BMP6: variants seen among roughly 807,000 people sequenced by gnomAD.
BMP6 encodes the protein bone morphogenetic protein 6.
In BMP6, 17 loss-of-function variants were observed where a neutral mutation model predicts 54.1. That is an observed-to-expected ratio of 0.31 (90% CI 0.22 to 0.47). The LOEUF (loss-of-function observed/expected upper bound fraction) is 0.47. BMP6 is among the 20% of genes least tolerant of loss of function. BMP6 has a pLI of 1.00. For synonymous variants in BMP6, 328 were observed against 291.2 expected (o/e 1.13, Z -1.28); for missense variants, 720 against 690.4 (o/e 1.04, Z -0.48).
intron 4 of BMP6, among the ~76,000 whole-genome samples, chr6:7,869,205 C>T (rs1759480419): frequency 6.6e-6 from 1 of 152,230 alleles, no homozygotes; most frequent in South Asian, 2.1e-4. Context: ...AGGATGGTGG[C>T]TGCGCCCTTC....
chr6:7,733,826 T>C (rs6900447), intron 1 of BMP6, among the ~76,000 whole-genome samples: 18,058 of 152,214 alleles, frequency 0.12, 1,268 homozygotes, highest in Middle Eastern at 0.28. Context: ...CTGGAATATA[T>C]GAAAGTGGTG....
chr6:7,727,744 C>A, intron 1 of BMP6, 125 bp downstream of exon 1: 1 of 1,187,070 alleles, frequency 8.4e-7, no homozygotes, highest in Non-Finnish European at 1.1e-6. Context: ...CGCCAGAGAA[C>A]GCGGGGACAG....
At chr6:7,760,280 C>G (rs1757593782) in intron 1 of BMP6, among the ~76,000 whole-genome samples, 1 of 151,906 alleles carries the variant, frequency 6.6e-6, no homozygotes, top group Non-Finnish European at 1.5e-5. Context: ...AAAACAGGAA[C>G]TGTGAAATTA....
chr6:7,734,073 A>C (rs1229674110), intron 1 of BMP6, among the ~76,000 whole-genome samples: 1 of 152,152 alleles, frequency 6.6e-6, no homozygotes, highest in African/African-American at 2.4e-5. Flanking sequence ...TGTTGTCTAT[A>C]CTTTTTTTCC....
chr6:7,823,143 C>T (rs979130053), intron 1 of BMP6, among the ~76,000 whole-genome samples: 3 of 152,152 alleles, frequency 2.0e-5, no homozygotes, highest in Admixed American at 1.3e-4. Flanking sequence ...GCAGTTACCA[C>T]CACGACACGT....
intron 1 of BMP6, among the ~76,000 whole-genome samples, chr6:7,819,632 A>G (rs757145961): frequency 6.6e-6 from 1 of 152,216 alleles, no homozygotes; most frequent in African/African-American, 2.4e-5. Context: ...GCCCAACCAC[A>G]GGAACCAAGA....
intron 1 of BMP6, among the ~76,000 whole-genome samples, chr6:7,815,084 A>G (rs1168437567): frequency 6.6e-6 from 1 of 152,176 alleles, no homozygotes; most frequent in Non-Finnish European, 1.5e-5. Flanking sequence ...CACCTCTTGT[A>G]AGATTATTCT....
At position 7,741,458 on chromosome 6, in the gene BMP6, GC is replaced by G. The variant is rs1403183123; in HGVS notation, c.664+13840del. 7.8e-4 allele frequency among the ~76,000 whole-genome samples: 115 copies of G among 148,326 alleles called. 21 individuals carry two copies. Among genetic ancestry groups the G allele is most frequent in the Non-Finnish European group, 1.0e-3 (67 of 66,458 alleles). The stretch of plus-strand genomic sequence containing the variant: ...TACTAGGCGTGTACCACCATGCCTG[GC>G]TAGTTGTTTTAATTTTTTGTAGAGA... On this transcript the variant is annotated intron_variant, in intron 1 of 6. Coordinates refer to ENST00000283147, the MANE Select transcript of BMP6 (RefSeq NM_001718.6).
chr6:7,746,708 C>T (rs780549189), intron 1 of BMP6, among the ~76,000 whole-genome samples: 1 of 152,118 alleles, frequency 6.6e-6, no homozygotes, highest in Admixed American at 6.5e-5. Flanking sequence ...TCCCTCATTC[C>T]TCCTTACAAT....
At chr6:7,845,022 G>A in intron 1 of BMP6, 118 bp from the exon 2 acceptor site, 1 of 889,844 alleles carries the variant, frequency 1.1e-6, no homozygotes, top group Non-Finnish European at 1.8e-6. Context: ...GATCCCCGTA[G>A]TAAGCCGTGG....
chr6:7,820,239 T>G (rs1758585930), intron 1 of BMP6, among the ~76,000 whole-genome samples: 1 of 152,214 alleles, frequency 6.6e-6, no homozygotes. Flanking sequence ...ATTTTGTAAG[T>G]AGATTTTTAA....
At chr6:7,850,728 G>A (rs1380251738) in intron 2 of BMP6, among the ~76,000 whole-genome samples, 1 of 152,218 alleles carries the variant, frequency 6.6e-6, no homozygotes, top group African/African-American at 2.4e-5. Flanking sequence ...GAGTACCCGA[G>A]ACGATGTGAG....
chr6:7,822,719 A>G (rs1256478898), intron 1 of BMP6, among the ~76,000 whole-genome samples: 1 of 152,196 alleles, frequency 6.6e-6, no homozygotes, highest in African/African-American at 2.4e-5. Flanking sequence ...ACAGCAGTAC[A>G]AAATGAGGGA....
intron 1 of BMP6, among the ~76,000 whole-genome samples, chr6:7,799,497 T>C (rs1758238365): frequency 6.6e-6 from 1 of 152,204 alleles, no homozygotes; most frequent in African/African-American, 2.4e-5. Context: ...GTGCCAGTTA[T>C]TTAACTCTTC....
intron 1 of BMP6, among the ~76,000 whole-genome samples, chr6:7,799,713 C>T (rs906923605): frequency 2.7e-5 from 4 of 148,910 alleles, no homozygotes; most frequent in Non-Finnish European, 5.9e-5. Context: ...AAAATCTATT[C>T]TCCTTGACTT....
chr6:7,774,309 G>A (rs1402152744), intron 1 of BMP6, among the ~76,000 whole-genome samples: 2 of 152,194 alleles, frequency 1.3e-5, no homozygotes, highest in Admixed American at 1.3e-4. Flanking sequence ...CAACACTCTG[G>A]GAGGCTGAGG....
rs1360445905 is a variant in BMP6 at position 7,769,448 on chromosome 6, C to T, written c.664+41829C>T. ...AGCATGCAGCAGAGTTTGCTATCGC[C>T]TGGCTTTTGCATCAGATGCATTGAG... On this transcript the variant is annotated intron_variant, in intron 1 of 6. Transcript: ENST00000283147. Among the ~76,000 whole-genome samples, 3 of 152,200 alleles carry T rather than the reference C, an allele frequency of 2.0e-5. No individual in the cohort carries two copies. The East Asian group carries it at 5.8e-4, about 29-fold the overall frequency.
At chr6:7,854,009 G>A (rs1219326421) in intron 2 of BMP6, among the ~76,000 whole-genome samples, 1 of 152,124 alleles carries the variant, frequency 6.6e-6, no homozygotes, top group Non-Finnish European at 1.5e-5. Context: ...TTATGGAGAG[G>A]AATTAAAGTT....
chr6:7,835,602 T>G (rs139689056), intron 1 of BMP6, among the ~76,000 whole-genome samples: 1 of 150,024 alleles, frequency 6.7e-6, no homozygotes, highest in Non-Finnish European at 1.5e-5. Context: ...GTAGATTGAT[T>G]TTTACTAAAT....
Sources: allele counts gnomAD v4.1 joint callset (sites outside exome capture counted in the v4.1 genomes callset), GRCh38; gene constraint gnomAD v4.1.1; transcripts MANE v1.5; gene names NCBI Gene and HGNC (gene_info 2026-07-23, HGNC 2026-07-21).